Variants in NUP205 observed in about 807,000 individuals in gnomAD.
NUP205 encodes the protein nucleoporin 205.
NUP205 carries 76 observed loss-of-function variants against 253.8 expected under a neutral mutation model. The ratio of observed to expected loss-of-function variants is 0.30; its 90% CI spans 0.25 to 0.36. NUP205 has a LOEUF of 0.36. Ranked by LOEUF, NUP205 falls within the 10% of genes least tolerant of loss-of-function variation. The probability of loss-of-function intolerance (pLI) is 1.00; values close to 1 mark genes in which losing one functional copy is unlikely to be tolerated. For missense variants in NUP205, 2,162 were observed against 2,425.5 expected (o/e 0.89, Z 2.28); for synonymous variants, 832 against 850.1 (o/e 0.98, Z 0.37).
At chr7:135,559,922 G>A (rs982635772) in intron 1 of NUP205, among the ~76,000 whole-genome samples, 4 of 151,560 alleles carry the variant, frequency 2.6e-5, no homozygotes, top group Admixed American at 6.6e-5. Context: ...GCAGTGGCAC[G>A]ATCTTGGCTC....
intron 15 of NUP205, among the ~76,000 whole-genome samples, chr7:135,598,545 A>G (rs562585310): frequency 6.6e-6 from 1 of 152,300 alleles, no homozygotes; most frequent in South Asian, 2.1e-4. Flanking sequence ...TAGGTTAGGG[A>G]TTGAAATAAG....
chr7:135,596,898 A>G (rs991695123), intron 13 of NUP205, among the ~76,000 whole-genome samples: 11 of 151,296 alleles, frequency 7.3e-5, no homozygotes, highest in Non-Finnish European at 1.0e-4. Flanking sequence ...CGGAGGTTGC[A>G]GTGAGCCAAG....
chr7:135,582,862 G>A (rs1430636995), intron 7 of NUP205, among the ~76,000 whole-genome samples: 2 of 135,306 alleles, frequency 1.5e-5, no homozygotes, highest in South Asian at 5.2e-4. Context: ...AGGCCGAGGC[G>A]GGTGGATCAT....
intron 7 of NUP205, among the ~76,000 whole-genome samples, chr7:135,584,329 TA>T (rs968560078): frequency 6.6e-6 from 1 of 152,144 alleles, no homozygotes; most frequent in African/African-American, 2.4e-5. Context: ...AAATAAAATA[TA>T]AAAAAATTAC....
At chr7:135,643,094 T>A in intron 38 of NUP205, 98 bp from the exon 39 acceptor site, 1 of 1,186,504 alleles carries the variant, frequency 8.4e-7, no homozygotes, top group Non-Finnish European at 1.2e-6. Context: ...TTACATGTCC[T>A]TAAATTCTGG....
At chr7:135,632,881 T>A (rs1288211954) in intron 35 of NUP205, among the ~76,000 whole-genome samples, 1 of 152,266 alleles carries the variant, frequency 6.6e-6, no homozygotes, top group Admixed American at 6.5e-5. Context: ...CACATACAGC[T>A]CCTGCCCATC....
At chr7:135,568,580 C>T (rs537755951) in intron 1 of NUP205, among the ~76,000 whole-genome samples, 17 of 152,122 alleles carry the variant, frequency 1.1e-4, no homozygotes, top group African/African-American at 3.4e-4. Flanking sequence ...GTGATCTGCC[C>T]GCCTCGGCCT....
chr7:135,612,061 A>C (rs1794252571), intron 22 of NUP205, among the ~76,000 whole-genome samples: 1 of 152,208 alleles, frequency 6.6e-6, no homozygotes. Context: ...TGGAGCTTGC[A>C]GTGAGCCGAG....
chr7:135,597,904 G>A lies in NUP205; in HGVS notation c.2065-94G>A, dbSNP rs1027355145. 3 of 933,454 alleles carry A rather than the reference G, an allele frequency of 3.2e-6. No homozygotes were observed. In the African/African-American group the frequency reaches 5.0e-5, roughly 15 times the overall value. The allele number at this position is 933,454 out of a possible 1,614,324, so 57.8% of individuals were successfully genotyped here. ...ATATCTGTTATATCTTTTGGTGTGA[G>A]TTAGCACTATTAATATGTTAATGTC... On this transcript the variant is annotated intron_variant, in intron 14 of 42. Coordinates refer to ENST00000285968, the MANE Select transcript of NUP205 (RefSeq NM_015135.3).
intron 28 of NUP205, 39 bp downstream of exon 28, chr7:135,618,642 A>C: frequency 6.8e-7 from 1 of 1,462,892 alleles, no homozygotes; most frequent in Non-Finnish European, 9.2e-7. Flanking sequence ...TGCTGAACGA[A>C]TGTATCATTT....
chr7:135,578,733 C>G lies in NUP205; in HGVS notation c.878-18C>G. 1 of 1,564,288 alleles carries G rather than the reference C, an allele frequency of 6.4e-7. No homozygotes were observed. Among genetic ancestry groups the G allele is most frequent in the Middle Eastern group, 1.7e-4 (1 of 5,874 alleles). ...TTTATCTGGTGATCGGTAAAGTGGT[C>G]TATTTTTGTGTTTTCAGATATGATT... On this transcript the variant is annotated intron_variant, in intron 6 of 42. Coordinates refer to ENST00000285968, the MANE Select transcript of NUP205 (RefSeq NM_015135.3).
intron 37 of NUP205, 49 bp from the exon 38 acceptor site, chr7:135,638,508 T>G (rs1480597209): frequency 7.7e-6 from 12 of 1,566,424 alleles, no homozygotes; most frequent in Non-Finnish European, 1.0e-5. Context: ...TCATGCTAAT[T>G]GAGACATTTC....
chr7:135,628,262 T>C, intron 34 of NUP205, 151 bp downstream of exon 34: 1 of 569,070 alleles, frequency 1.8e-6, no homozygotes, highest in Non-Finnish European at 2.9e-6. Flanking sequence ...CCCTGTACTT[T>C]GTTCTTAACT....
In NUP205 at chr7:135,617,267, A is replaced by G; in HGVS notation, c.3690+20A>G. 1 of 1,608,592 alleles carries G rather than the reference A, an allele frequency of 6.2e-7. No homozygotes were observed. On this transcript the variant is annotated intron_variant, in intron 26 of 42. Coordinates refer to ENST00000285968, the MANE Select transcript of NUP205 (RefSeq NM_015135.3). Reference sequence around the variant, plus strand: ...GTCAAGGTGAGGATTGCTTTAAAGTACATATCTGCAGTGTCAAGTGGCTCA... The same window carrying G: ...GTCAAGGTGAGGATTGCTTTAAAGTGCATATCTGCAGTGTCAAGTGGCTCA...
intron 1 of NUP205, among the ~76,000 whole-genome samples, chr7:135,567,557 G>A (rs1259112633): frequency 6.6e-6 from 1 of 151,774 alleles, no homozygotes; most frequent in Non-Finnish European, 1.5e-5. Context: ...GCTACAGTGA[G>A]CTGAGATGGC....
intron 37 of NUP205, among the ~76,000 whole-genome samples, 157 bp from the exon 38 acceptor site, chr7:135,638,400 G>A (rs1255669374): frequency 1.4e-5 from 2 of 144,032 alleles, no homozygotes; most frequent in Non-Finnish European, 3.0e-5. Context: ...GGGCAACAGA[G>A]GGAGACTCCA....
chr7:135,604,924 T>G (rs1317592520), intron 19 of NUP205, among the ~76,000 whole-genome samples: 1 of 152,236 alleles, frequency 6.6e-6, no homozygotes, highest in African/African-American at 2.4e-5. Flanking sequence ...GAGTTCCTCT[T>G]TTTATTCAAG....
intron 35 of NUP205, among the ~76,000 whole-genome samples, chr7:135,634,103 T>A (rs572492997): frequency 6.6e-6 from 1 of 152,210 alleles, no homozygotes; most frequent in African/African-American, 2.4e-5. Flanking sequence ...TATTTTTTAA[T>A]TTCATTTTTT....
At position 135,607,337 on chromosome 7, in the gene NUP205, G is replaced by C; in HGVS notation, c.3161G>C (p.Arg1054Pro). The C allele has an allele frequency of 1.2e-6, 2 of 1,613,994 alleles. No homozygotes were observed. Among genetic ancestry groups the C allele is most frequent in the Non-Finnish European group, 1.7e-6 (2 of 1,179,926 alleles). ...TEGRTGPVAV[R>P]ESPQLAELCY... ...GGGAGAACAGGCCCAGTGGCGGTGC[G>C]AGAATCTCCTCAGCTGGCTGAGCTA... is the stretch of plus-strand genomic sequence containing the variant. Residue 1054 changes from arginine (R) to proline (P), a missense_variant, in exon 22 of 43, where the codon CGA becomes CCA. Physicochemically the swap from Arg to Pro is moderately radical, Grantham distance 103. Around this residue, in one of 5 missense-constraint regions of NUP205, gnomAD observed 1,144 missense variants for 1,280.9 expected, o/e 0.89. Coordinates refer to ENST00000285968, the MANE Select transcript of NUP205 (RefSeq NM_015135.3).
Sources: gnomAD v4.1 joint callset for allele counts (sites outside exome capture counted in the v4.1 genomes callset) on GRCh38, gnomAD v4.1.1 for gene constraint, gnomAD v4.1.1 regional missense constraint, MANE v1.5 for transcripts, NCBI Gene and HGNC (gene_info 2026-07-23, HGNC 2026-07-21) for gene names.